PCSK5: variants seen among roughly 807,000 people sequenced by gnomAD.
PCSK5 encodes the protein prohormone convertase 5.
In PCSK5, 129 loss-of-function variants were observed where a neutral mutation model predicts 233.2. That is an observed-to-expected ratio of 0.55 (90% CI 0.48 to 0.64). The LOEUF (loss-of-function observed/expected upper bound fraction) is 0.64. Among genes scored for constraint, PCSK5 ranks in the 30% least tolerant of loss-of-function variants. The pLI, the probability that PCSK5 is intolerant of heterozygous loss-of-function variation, is 0.00. For synonymous variants in PCSK5, 825 were observed against 879.2 expected (o/e 0.94, Z 1.09); for missense variants, 2,076 against 2,430.1 (o/e 0.85, Z 3.06).
chr9:75,922,050 C>T lies in PCSK5; in HGVS notation c.193-10329C>T, dbSNP rs578227371. On this transcript the variant is annotated intron_variant, in intron 1 of 37. Transcript: ENST00000674117. ...GACATTATCCTCATGTCAACAGGGACTGTGTTTTGTTCACTCTGTCTGCAG... is the reference window on the plus strand; with the variant it reads ...GACATTATCCTCATGTCAACAGGGATTGTGTTTTGTTCACTCTGTCTGCAG... 3.3e-5 allele frequency among the ~76,000 whole-genome samples: 5 copies of T among 152,274 alleles called. No individual in the cohort carries two copies. The East Asian group carries it at 7.8e-4, about 24-fold the overall frequency.
At chr9:76,040,385 G>GTCTCTCTCTCTC (rs5898445) in intron 5 of PCSK5, among the ~76,000 whole-genome samples, 1 of 80,622 alleles carries the variant, frequency 1.2e-5, no homozygotes, top group Non-Finnish European at 2.6e-5. Flanking sequence ...CTCTCTCTCT[G>GTCTCTCTCTCTC]TCTCTCTCTC....
At chr9:75,941,282 G>T (rs1360500272) in intron 2 of PCSK5, among the ~76,000 whole-genome samples, 2 of 152,182 alleles carry the variant, frequency 1.3e-5, no homozygotes, top group Non-Finnish European at 2.9e-5. Flanking sequence ...TCATCCAGCT[G>T]TGTGGGCTGA....
chr9:76,064,236 AC>A (rs1227305759), intron 5 of PCSK5, among the ~76,000 whole-genome samples: 1 of 82,892 alleles, frequency 1.2e-5, no homozygotes, highest in Non-Finnish European at 2.1e-5. Flanking sequence ...TGGGGGGCTG[AC>A]CCCCCCATCT....
chr9:76,189,562 G>A, intron 19 of PCSK5, 69 bp from the exon 20 acceptor site: 1 of 911,652 alleles, frequency 1.1e-6, no homozygotes, highest in East Asian at 2.4e-5. Context: ...ACATTATGAG[G>A]TTGCTAGTAA....
intron 3 of PCSK5, among the ~76,000 whole-genome samples, chr9:75,995,703 T>C (rs1490277703): frequency 4.0e-5 from 6 of 151,066 alleles, no homozygotes; most frequent in Non-Finnish European, 8.8e-5. Flanking sequence ...AATCTGTTAG[T>C]AGTTGCAAAT....
At chr9:75,890,492 A>G (rs1043568792), upstream of PCSK5, among the ~76,000 whole-genome samples, 2 of 152,212 alleles carry the variant, frequency 1.3e-5, no homozygotes, top group African/African-American at 4.8e-5. Context: ...ACTTGCCTTT[A>G]CTGCCCGGAA....
At chr9:76,315,928 G>GTTTTTTTTTTTTTTTTT (rs71499141) in intron 30 of PCSK5, among the ~76,000 whole-genome samples, 6 of 91,806 alleles carry the variant, frequency 6.5e-5, no homozygotes, top group Non-Finnish European at 1.1e-4. Context: ...CACTTCAAGG[G>GTTTTTTTTTTTTTTTTT]TTTTTTTTTT....
At chr9:75,979,261 C>T (rs545672140) in intron 2 of PCSK5, among the ~76,000 whole-genome samples, 23 of 151,570 alleles carry the variant, frequency 1.5e-4, no homozygotes, top group Non-Finnish European at 3.1e-4. Flanking sequence ...TCATCAAAGC[C>T]GTCTAAAAAA....
chr9:76,275,375 T>C (rs1827658313), intron 24 of PCSK5, among the ~76,000 whole-genome samples: 1 of 152,158 alleles, frequency 6.6e-6, no homozygotes. Context: ...TAAGCAAGAT[T>C]TTAAAAAAGC....
chr9:75,950,151 GGC>G (rs796188927), intron 2 of PCSK5, among the ~76,000 whole-genome samples: 31,171 of 118,226 alleles, frequency 0.26, 4,341 homozygotes, highest in African/African-American at 0.33. Flanking sequence ...GTGTGGGGGG[GGC>G]GGGGAGGGGG....
chr9:76,174,899 T>G, intron 13 of PCSK5, 87 bp from the exon 14 acceptor site: 1 of 1,287,526 alleles, frequency 7.8e-7, no homozygotes, highest in Non-Finnish European at 1.1e-6. Context: ...TTCTGTTGCT[T>G]TTTCTTGAGT....
intron 11 of PCSK5, 40 bp downstream of exon 11, chr9:76,157,202 A>G (rs3824474): frequency 0.068 from 91,232 of 1,338,672 alleles, 7,068 homozygotes; most frequent in East Asian, 0.29. Context: ...CAATGCCCCA[A>G]AATAGAGCAA....
chr9:76,161,869 G>A (rs756351497), intron 12 of PCSK5, among the ~76,000 whole-genome samples: 16 of 152,176 alleles, frequency 1.1e-4, no homozygotes, highest in Non-Finnish European at 1.8e-4. Flanking sequence ...AGGCATTTCC[G>A]ACGTGCGGTG....
chr9:76,039,540 G>T (rs1387632427), intron 5 of PCSK5, among the ~76,000 whole-genome samples: 1 of 152,134 alleles, frequency 6.6e-6, no homozygotes, highest in African/African-American at 2.4e-5. Context: ...GTAACTGCTA[G>T]GTAAATTGTT....
chr9:76,162,862 C>T (rs1413283112), intron 12 of PCSK5, among the ~76,000 whole-genome samples: 3 of 152,168 alleles, frequency 2.0e-5, no homozygotes, highest in Admixed American at 1.3e-4. Context: ...CAACACTGCA[C>T]ACTTAACTAG....
At chr9:75,929,569 G>A (rs1823681777) in intron 1 of PCSK5, among the ~76,000 whole-genome samples, 1 of 152,122 alleles carries the variant, frequency 6.6e-6, no homozygotes, top group Non-Finnish European at 1.5e-5. Flanking sequence ...CCCTCCAGCT[G>A]CAGTAGGGGA....
intron 1 of PCSK5, among the ~76,000 whole-genome samples, chr9:75,929,515 A>T (rs747884648): frequency 4.0e-4 from 61 of 151,774 alleles, no homozygotes; most frequent in Non-Finnish European, 8.5e-4. Context: ...CTTGAGACAC[A>T]AACTATGAGG....
chr9:75,925,409 T>G (rs1823442403), intron 1 of PCSK5, among the ~76,000 whole-genome samples: 1 of 152,208 alleles, frequency 6.6e-6, no homozygotes, highest in East Asian at 1.9e-4. Context: ...TTTATTCTAC[T>G]CGTTTATTGA....
intron 24 of PCSK5, among the ~76,000 whole-genome samples, chr9:76,253,815 G>A (rs1826892824): frequency 6.6e-6 from 1 of 152,190 alleles, no homozygotes; most frequent in Non-Finnish European, 1.5e-5. Flanking sequence ...GAGTAATTCA[G>A]AAGCAGTTTG....
Sources: gnomAD v4.1 joint callset for allele counts (sites outside exome capture counted in the v4.1 genomes callset) on GRCh38, gnomAD v4.1.1 for gene constraint, MANE v1.5 for transcripts, NCBI Gene and HGNC (gene_info 2026-07-23, HGNC 2026-07-21) for gene names.